CDH23: variants seen among roughly 807,000 people sequenced by gnomAD.
The protein encoded by CDH23 is cadherin related 23.
CDH23 carries 189 observed loss-of-function variants against 317.1 expected under a neutral mutation model. That is an observed-to-expected ratio of 0.60 (90% CI 0.53 to 0.67). CDH23 has a LOEUF of 0.67. CDH23 is among the 30% of genes least tolerant of loss of function. CDH23 has a pLI of 0.00. For missense variants in CDH23, 4,401 were observed against 4,592.4 expected (o/e 0.96, Z 1.20); for synonymous variants, 1,839 against 1,876.8 (o/e 0.98, Z 0.52).
intron 15 of CDH23, among the ~76,000 whole-genome samples, chr10:71,675,811 C>T (rs757379803): frequency 6.6e-6 from 1 of 152,118 alleles, no homozygotes; most frequent in Non-Finnish European, 1.5e-5. Flanking sequence ...AGCCTTGCCC[C>T]ATCACCCTTC....
At chr10:71,622,700 T>A (rs1031068946) in intron 11 of CDH23, among the ~76,000 whole-genome samples, 10 of 152,238 alleles carry the variant, frequency 6.6e-5, no homozygotes, top group Non-Finnish European at 1.3e-4. Context: ...GCGGATGTCC[T>A]GCCTTCCTTC....
At chr10:71,575,615 C>T (rs149815091) in intron 8 of CDH23, among the ~76,000 whole-genome samples, 3 of 152,334 alleles carry the variant, frequency 2.0e-5, no homozygotes, top group African/African-American at 7.2e-5. Flanking sequence ...GATTCCTGTG[C>T]AGGGCAGAAG....
At chr10:71,715,664 C>A in intron 28 of CDH23, 1 of 322,676 alleles carries the variant, frequency 3.1e-6, no homozygotes, top group Non-Finnish European at 5.7e-6. Flanking sequence ...GAGCCTCAGG[C>A]CAAAGGCCCA....
intron 3 of CDH23, among the ~76,000 whole-genome samples, chr10:71,506,745 C>T (rs559512716): frequency 3.3e-5 from 5 of 152,178 alleles, no homozygotes; most frequent in South Asian, 2.1e-4. Context: ...AATTGCAGGG[C>T]GTCTTGTCTT....
chr10:71,583,915 C>T (rs1290060232), intron 9 of CDH23, among the ~76,000 whole-genome samples: 1 of 152,160 alleles, frequency 6.6e-6, no homozygotes, highest in East Asian at 1.9e-4. Context: ...CAGAACCTCC[C>T]AGTTTCCATG....
At chr10:71,513,162 C>G (rs1854089021) in intron 6 of CDH23, among the ~76,000 whole-genome samples, 1 of 152,182 alleles carries the variant, frequency 6.6e-6, no homozygotes, top group Non-Finnish European at 1.5e-5. Context: ...TTTAATTGCT[C>G]GTGTGTAAAC....
intron 18 of CDH23, among the ~76,000 whole-genome samples, chr10:71,684,853 G>A (rs553011412): frequency 8.5e-5 from 13 of 152,292 alleles, no homozygotes; most frequent in East Asian, 1.9e-4. Context: ...TGGCTAGCCC[G>A]GGGCTAGACA....
chr10:71,645,946 T>C lies in CDH23; in HGVS notation c.1256T>C (p.Leu419Pro). ...ATTCGTATTCGGGTGGCCATCCCACTGGACTACGAGACCGTGGACCGCTAC... is the reference window on the plus strand; with the variant it reads ...ATTCGTATTCGGGTGGCCATCCCACCGGACTACGAGACCGTGGACCGCTAC... ...ADIRIRVAIP[L>P]DYETVDRYDF... Residue 419 changes from leucine to proline, a missense_variant, in exon 13 of 70, where the codon CTG (leucine) becomes CCG (proline). By Grantham distance (98) the Leu-to-Pro change is moderately conservative. Transcript: ENST00000224721. 2 of 1,613,598 alleles carry C rather than the reference T, an allele frequency of 1.2e-6. No individual in the cohort carries two copies. The highest frequency in any genetic ancestry group is 1.7e-6 in the Non-Finnish European group (2 of 1,179,728).
At chr10:71,772,542 A>G (rs1021214167) in intron 38 of CDH23, among the ~76,000 whole-genome samples, 14 of 152,208 alleles carry the variant, frequency 9.2e-5, no homozygotes, top group African/African-American at 2.9e-4. Context: ...CCAGGATACT[A>G]TCTGAACATG....
intron 32 of CDH23, chr10:71,732,863 C>G (rs1033856938): frequency 3.9e-4 from 107 of 275,632 alleles, no homozygotes; most frequent in Admixed American, 7.5e-4. Flanking sequence ...GCTGGGAATC[C>G]TATAGTTTGA....
Position 71,815,196 on chromosome 10 carries a change from G to A in CDH23, c.9983G>A (p.Arg3328His), listed in dbSNP as rs148475933. Residue 3328 changes from arginine to histidine, a missense_variant, in exon 70 of 70, where the codon CGC becomes CAC. Physicochemically the swap from Arg to His is conservative, Grantham distance 29. Around this residue, in one of 3 missense-constraint regions of CDH23, gnomAD observed 1,144 missense variants for 1,138.2 expected, o/e 1.01. Transcript: ENST00000224721. ...AEATAFERNA[R>H]TESAKSTPLH... ...GCCACTGCCTTCGAGCGCAACGCCC[G>A]CACAGAATCCGCCAAATCCACACCC... 9.0e-5 allele frequency: 145 copies of A among 1,607,942 alleles called. 1 individual carries two copies. The highest frequency in any genetic ancestry group is 4.2e-4 in the Admixed American group (25 of 59,846).
chr10:71,702,153 G>A lies in CDH23; in HGVS notation c.2529G>A (p.Glu843=), dbSNP rs1465586681. 2 of 1,613,944 alleles carry A rather than the reference G, an allele frequency of 1.2e-6. No individual in the cohort carries two copies. The highest frequency in any genetic ancestry group is 1.7e-6 in the Non-Finnish European group (2 of 1,179,882). Residue 843 remains glutamate, a synonymous_variant, in exon 23 of 70, where the codon GAG becomes GAA. Coordinates refer to ENST00000224721, the MANE Select transcript of CDH23 (RefSeq NM_022124.6). ...CCACCCACGCCATGCTGGACCGGGA[G>A]AACCCCGACCCCCATGAGGCCGAGC... ...IRTTHAMLDR[E]NPDPHEAELM...
rs1015776201 is a variant in CDH23, at chr10:71,730,576, C to T, written c.3687C>T (p.Ile1229=). Residue 1229 remains isoleucine, a synonymous_variant, in exon 31 of 70, where the codon ATC becomes ATT. Transcript: ENST00000224721. ...RETAGIGTSV[I]VVQATDRDSG... The stretch of plus-strand genomic sequence containing the variant: ...CCGCAGGCATTGGAACGTCAGTCAT[C>T]GTGGTCCAAGCCACAGACCGAGACT... 6.2e-7 allele frequency: 1 copy of T among 1,613,822 alleles called. No homozygotes were observed. Among genetic ancestry groups the T allele is most frequent in the Non-Finnish European group, 8.5e-7 (1 of 1,179,880 alleles).
At chr10:71,726,102 C>T (rs536841813) in intron 30 of CDH23, among the ~76,000 whole-genome samples, 1 of 152,330 alleles carries the variant, frequency 6.6e-6, no homozygotes, top group South Asian at 2.1e-4. Flanking sequence ...AAAACCTACA[C>T]ACAGATGTTC....
chr10:71,594,416 C>A (rs1002429037), intron 9 of CDH23, among the ~76,000 whole-genome samples: 4 of 151,964 alleles, frequency 2.6e-5, no homozygotes, highest in Non-Finnish European at 5.9e-5. Context: ...TCTTATTGCC[C>A]AGGCTGGAGT....
At chr10:71,569,964 A>T (rs1330065338) in intron 7 of CDH23, among the ~76,000 whole-genome samples, 1 of 151,978 alleles carries the variant, frequency 6.6e-6, no homozygotes, top group Non-Finnish European at 1.5e-5. Context: ...TCACAGGTGC[A>T]ATCTTGGTGC....
At position 71,793,470 on chromosome 10, in the gene CDH23, T is replaced by A. The variant is rs1452832791; in HGVS notation, c.6542T>A (p.Val2181Glu). The A allele has an allele frequency of 6.2e-7, 1 of 1,613,990 alleles. No individual in the cohort carries two copies. The highest frequency in any genetic ancestry group is 8.5e-7 in the Non-Finnish European group (1 of 1,179,880). ...RPEFLNPIQT[V>E]SVLESAEPGT... ...GAGTTCCTCAACCCCATCCAGACAG[T>A]GAGCGTGCTGGAGTCGGCTGAGCCA... Residue 2181 changes from valine to glutamate, a missense_variant, in exon 48 of 70, where the codon GTG becomes GAG. Around this residue, in one of 3 missense-constraint regions of CDH23, gnomAD observed 3,068 missense variants for 3,203.3 expected, o/e 0.96. Transcript: ENST00000224721.
chr10:71,814,507 C>T (rs540490082), intron 69 of CDH23, among the ~76,000 whole-genome samples: 4 of 152,200 alleles, frequency 2.6e-5, no homozygotes, highest in Admixed American at 6.5e-5. Flanking sequence ...TCAGGAGTTC[C>T]AGACCAGCCT....
chr10:71,442,039 T>C (rs75080538), intron 2 of CDH23, among the ~76,000 whole-genome samples: 4,007 of 152,342 alleles, frequency 0.026, 157 homozygotes, highest in African/African-American at 0.084. Flanking sequence ...GATTAATCTG[T>C]ACATCAAGCA....
Sources: allele counts gnomAD v4.1 joint callset (sites outside exome capture counted in the v4.1 genomes callset), GRCh38; gene constraint gnomAD v4.1.1; regional missense constraint gnomAD v4.1.1; transcripts MANE v1.5; gene names NCBI Gene and HGNC (gene_info 2026-07-23, HGNC 2026-07-21).